MAGI2: variants seen among roughly 807,000 people sequenced by gnomAD.
MAGI2 encodes the protein membrane associated guanylate kinase, WW and PDZ domain containing 2.
In MAGI2, 35 loss-of-function variants were observed where a neutral mutation model predicts 133.3. That is an observed-to-expected ratio of 0.26 (90% CI 0.20 to 0.35). The LOEUF is 0.35. Ranked by LOEUF, MAGI2 falls within the 10% of genes least tolerant of loss-of-function variation. The pLI, the probability that MAGI2 is intolerant of heterozygous loss-of-function variation, is 1.00. For synonymous variants in MAGI2, 729 were observed against 710.6 expected (o/e 1.03, Z -0.41); for missense variants, 1,636 against 1,863.4 (o/e 0.88, Z 2.25).
chr7:78,463,248 A>G (rs1790254993), intron 6 of MAGI2, among the ~76,000 whole-genome samples: 1 of 152,200 alleles, frequency 6.6e-6, no homozygotes, highest in African/African-American at 2.4e-5. Context: ...AGCAGGAGAG[A>G]CACCAACGAG....
chr7:78,634,873 T>C (rs554264422), intron 2 of MAGI2, among the ~76,000 whole-genome samples: 7 of 152,286 alleles, frequency 4.6e-5, no homozygotes, highest in African/African-American at 1.4e-4. Flanking sequence ...AAGTGGTGTA[T>C]AGGAAAGTCC....
At chr7:78,333,832 A>G (rs1411185808) in intron 9 of MAGI2, among the ~76,000 whole-genome samples, 1 of 152,228 alleles carries the variant, frequency 6.6e-6, no homozygotes, top group Admixed American at 6.5e-5. Flanking sequence ...GTCTAGTAGG[A>G]GACAGCGACC....
intron 12 of MAGI2, among the ~76,000 whole-genome samples, chr7:78,189,567 G>T (rs1296554359): frequency 6.6e-6 from 1 of 152,182 alleles, no homozygotes; most frequent in Non-Finnish European, 1.5e-5. Flanking sequence ...TGTGGACATG[G>T]TGTACCTCAT....
At chr7:78,485,651 T>C (rs1177136593) in intron 6 of MAGI2, 3 of 152,014 alleles carry the variant, frequency 2.0e-5, no homozygotes, top group Non-Finnish European at 4.4e-5. Flanking sequence ...TTAACTTTAC[T>C]CATTTATGTA....
intron 3 of MAGI2, among the ~76,000 whole-genome samples, chr7:78,542,527 T>C (rs1798498012): frequency 1.3e-5 from 2 of 152,110 alleles, no homozygotes; most frequent in African/African-American, 4.8e-5. Flanking sequence ...CTTAGACAGA[T>C]TGGGTAAGAA....
intron 2 of MAGI2, among the ~76,000 whole-genome samples, chr7:78,862,656 G>A (rs554061816): frequency 1.3e-5 from 2 of 152,194 alleles, no homozygotes; most frequent in East Asian, 1.9e-4. Context: ...GAGTTAATTC[G>A]ATGTTTCTAA....
chr7:78,067,032 A>G (rs180892676), intron 21 of MAGI2, among the ~76,000 whole-genome samples: 68 of 152,328 alleles, frequency 4.5e-4, no homozygotes, highest in Non-Finnish European at 7.8e-4. Context: ...GTGTTTGAGG[A>G]AAGGGAGAGT....
In MAGI2 at chr7:78,093,787, T is replaced by C. The variant is rs140177236; in HGVS notation, c.3568-14702A>G. Reference sequence around the variant, plus strand: ...TGCATTTAGATTTCCATTTCTACACTGAGATCTCAATTAATTGCCCAAGAG... The same window carrying C: ...TGCATTTAGATTTCCATTTCTACACCGAGATCTCAATTAATTGCCCAAGAG... On this transcript the variant is annotated intron_variant, in intron 20 of 21. Transcript: ENST00000354212. Among the ~76,000 whole-genome samples, 1,098 of 152,346 alleles carry C rather than the reference T, an allele frequency of 7.2e-3. 13 individuals are homozygous for C. Among genetic ancestry groups the C allele is most frequent in the African/African-American group, 0.025 (1,053 of 41,574 alleles).
intron 1 of MAGI2, among the ~76,000 whole-genome samples, chr7:79,092,622 C>G (rs1817162956): frequency 1.3e-5 from 2 of 152,118 alleles, no homozygotes; most frequent in Admixed American, 6.6e-5. Context: ...TTCAGAATTT[C>G]CCCAATCTCT....
chr7:78,434,268 A>T (rs977251195), intron 6 of MAGI2, among the ~76,000 whole-genome samples: 19 of 152,296 alleles, frequency 1.2e-4, no homozygotes, highest in Admixed American at 7.8e-4. Context: ...TATAGAGAGG[A>T]GAACCTGGAA....
intron 1 of MAGI2, among the ~76,000 whole-genome samples, chr7:79,417,027 C>T (rs559325864): frequency 3.0e-4 from 46 of 151,930 alleles, no homozygotes; most frequent in African/African-American, 8.2e-4. Context: ...CCACCATGCC[C>T]GGCCTGTTCT....
intron 6 of MAGI2, among the ~76,000 whole-genome samples, chr7:78,425,056 G>A (rs193271216): frequency 6.6e-6 from 1 of 152,242 alleles, no homozygotes; most frequent in East Asian, 1.9e-4. Context: ...GATATGGTTT[G>A]TCTTTGTCCC....
rs75421672 is a variant in MAGI2, at chr7:78,185,403, A to G, written c.2311+226T>C. 375 of 379,120 alleles carry G rather than the reference A, an allele frequency of 9.9e-4. 1 individual carries two copies. The highest frequency in any genetic ancestry group is 5.5e-3 in the African/African-American group (265 of 48,420). The allele number at this position is 379,120 out of a possible 1,614,324, so 23.5% of individuals were successfully genotyped here. A position where few individuals can be genotyped will look rare whatever the true frequency, so the allele number is the denominator to read the frequency against. On this transcript the variant is annotated intron_variant, in intron 13 of 21. Coordinates refer to ENST00000354212, the MANE Select transcript of MAGI2 (RefSeq NM_012301.4). ...ATCCAGCCTTTTACTAGAGTATTTTATGAAAGAAATTCATGAATATGACTG... is the reference window on the plus strand; with the variant it reads ...ATCCAGCCTTTTACTAGAGTATTTTGTGAAAGAAATTCATGAATATGACTG...
At chr7:78,425,323 C>A (rs772883454) in intron 6 of MAGI2, among the ~76,000 whole-genome samples, 4 of 152,110 alleles carry the variant, frequency 2.6e-5, no homozygotes, top group African/African-American at 9.7e-5. Flanking sequence ...TCCTCAGCCA[C>A]GTGGAACTGT....
At chr7:79,303,089 G>T (rs187873093) in intron 1 of MAGI2, among the ~76,000 whole-genome samples, 30 of 152,180 alleles carry the variant, frequency 2.0e-4, no homozygotes, top group African/African-American at 7.2e-4. Flanking sequence ...AATAATTTAT[G>T]ATTGCCATTT....
intron 3 of MAGI2, among the ~76,000 whole-genome samples, chr7:78,603,378 C>G (rs541897948): frequency 1.3e-5 from 2 of 152,144 alleles, no homozygotes; most frequent in Non-Finnish European, 2.9e-5. Context: ...CCTGAGGAAA[C>G]GTTTTCTAGG....
In MAGI2 at chr7:78,017,064, A is replaced by G. The variant is rs1189693492; in HGVS notation, c.*2251T>C. 6.5e-6 allele frequency: 1 copy of G among 152,682 alleles called. No homozygotes were observed. Among genetic ancestry groups the G allele is most frequent in the African/African-American group, 2.4e-5 (1 of 41,470 alleles). 9.5% of individuals were successfully genotyped at this position (152,682 alleles called of 1,614,324 possible). On this transcript the variant is annotated 3_prime_UTR_variant, in exon 22 of 22. Transcript: ENST00000354212. ...ATTAACACACAGCCTATATAGTTGG[A>G]AAAAGAAAAGATTTTTGGATATATA...
chr7:79,408,012 A>G (rs919154734), intron 1 of MAGI2, among the ~76,000 whole-genome samples: 23 of 152,144 alleles, frequency 1.5e-4, no homozygotes, highest in African/African-American at 5.5e-4. Context: ...ATTAAACTTT[A>G]TAAGTTTTCC....
chr7:78,201,153 C>T lies in MAGI2; in HGVS notation c.2079+9G>A. The stretch of plus-strand genomic sequence containing the variant: ...AAATAAAGAAAGAAGCATAATAATT[C>T]CAACTTACAGGCTTTGGAGTTTTCC... On this transcript the variant is annotated intron_variant, in intron 11 of 21. Coordinates refer to ENST00000354212, the MANE Select transcript of MAGI2 (RefSeq NM_012301.4). The T allele has an allele frequency of 6.8e-7, 1 of 1,475,786 alleles. No homozygotes were observed. Among genetic ancestry groups the T allele is most frequent in the South Asian group, 1.3e-5 (1 of 74,082 alleles). The allele number at this position is 1,475,786 out of a possible 1,614,324, so 91.4% of individuals were successfully genotyped here.
Sources: allele counts gnomAD v4.1 joint callset (sites outside exome capture counted in the v4.1 genomes callset), GRCh38; gene constraint gnomAD v4.1.1; transcripts MANE v1.5; gene names NCBI Gene and HGNC (gene_info 2026-07-23, HGNC 2026-07-21).